The following GABRB3 variants were observed in gnomAD, a reference collection of about 807,000 sequenced individuals.
GABRB3 encodes the protein gamma-aminobutyric acid type A receptor subunit beta3, also known as gamma-aminobutyric acid receptor subunit beta-3.
In GABRB3, 14 loss-of-function variants were observed where a neutral mutation model predicts 52.1. The ratio of observed to expected loss-of-function variants is 0.27; its 90% CI spans 0.18 to 0.42. The LOEUF (loss-of-function observed/expected upper bound fraction) is 0.42. GABRB3 is among the 10% of genes least tolerant of loss of function. GABRB3 has a pLI of 1.00. For synonymous variants in GABRB3, 260 were observed against 232.3 expected, an observed-to-expected ratio of 1.12 and a Z score of -1.08; for missense variants, 307 against 609.1, an observed-to-expected ratio of 0.50 and a Z score of 5.22.
chr15:26,699,827 T>C (rs1381020934), intron 3 of GABRB3, among the ~76,000 whole-genome samples: 1 of 151,886 alleles, frequency 6.6e-6, no homozygotes, highest in African/African-American at 2.4e-5. Flanking sequence ...GGAAACATAA[T>C]ATTGTGGGCT....
At position 26,545,060 on chromosome 15, in the gene GABRB3, G is replaced by A. The variant is rs199676998; in HGVS notation, c.*2733C>T. On this transcript the variant is annotated 3_prime_UTR_variant, in exon 9 of 9. Transcript: ENST00000311550. ...AGTTCTCTTCTCAATGCTCTCACAA[G>A]TTTTAAAAATGGAGAAGCTATAAAA... is the stretch of plus-strand genomic sequence containing the variant. 1 of 152,676 alleles carries A rather than the reference G, an allele frequency of 6.5e-6. No individual in the cohort carries two copies. The highest frequency in any genetic ancestry group is 1.9e-4 in the East Asian group (1 of 5,190). 9.5% of individuals were successfully genotyped at this position (152,676 alleles called of 1,614,324 possible).
chr15:26,722,192 G>A (rs1889659325), intron 3 of GABRB3, among the ~76,000 whole-genome samples: 1 of 152,122 alleles, frequency 6.6e-6, no homozygotes, highest in Admixed American at 6.5e-5. Context: ...ACAACCCGGA[G>A]AGCTTCAGTT....
chr15:26,734,322 T>A (rs543092911), intron 3 of GABRB3, among the ~76,000 whole-genome samples: 141 of 151,442 alleles, frequency 9.3e-4, no homozygotes, highest in African/African-American at 3.3e-3. Context: ...TGAGCCACCA[T>A]ACCTGGACAA....
intron 4 of GABRB3, chr15:26,615,142 G>T: frequency 3.5e-6 from 1 of 286,080 alleles, no homozygotes; most frequent in Non-Finnish European, 5.2e-6. Flanking sequence ...TAGGAAAAGG[G>T]ATGATAACTC....
intron 3 of GABRB3, among the ~76,000 whole-genome samples, chr15:26,626,324 GAC>G (rs1295658892): frequency 6.6e-6 from 1 of 152,060 alleles, no homozygotes; most frequent in Non-Finnish European, 1.5e-5. Context: ...TATTCCCTGA[GAC>G]ACAACAATAT....
chr15:26,683,707 T>C (rs1324404166), intron 3 of GABRB3, among the ~76,000 whole-genome samples: 1 of 152,032 alleles, frequency 6.6e-6, no homozygotes, highest in African/African-American at 2.4e-5. Flanking sequence ...TTCCACCACA[T>C]GCTCCTAGGG....
chr15:26,757,707 G>A (rs1160915667), intron 3 of GABRB3, among the ~76,000 whole-genome samples: 1 of 152,188 alleles, frequency 6.6e-6, no homozygotes, highest in Non-Finnish European at 1.5e-5. Context: ...ATTATTCAGT[G>A]ACATTATGTA....
chr15:26,635,005 T>TAC (rs1566785563), intron 3 of GABRB3, among the ~76,000 whole-genome samples: 1 of 6,022 alleles, frequency 1.7e-4, no homozygotes, highest in Admixed American at 2.4e-3. Context: ...TATATATATA[T>TAC]ATATAATATA....
chr15:26,769,619 T>C (rs1264671203), intron 3 of GABRB3, among the ~76,000 whole-genome samples: 1 of 152,172 alleles, frequency 6.6e-6, no homozygotes, highest in Non-Finnish European at 1.5e-5. Context: ...ACTCTGCCAT[T>C]TTCTTTCCTA....
intron 3 of GABRB3, among the ~76,000 whole-genome samples, chr15:26,629,987 G>T (rs1283047625): frequency 6.6e-6 from 1 of 152,006 alleles, no homozygotes; most frequent in South Asian, 2.1e-4. Flanking sequence ...TACTTAGAAG[G>T]CTGTAGGTAA....
At chr15:26,594,545 G>T (rs1410466081) in intron 4 of GABRB3, among the ~76,000 whole-genome samples, 3 of 152,204 alleles carry the variant, frequency 2.0e-5, no homozygotes, top group Non-Finnish European at 4.4e-5. Flanking sequence ...TGCCTAGGCT[G>T]AGTGTAGTGG....
chr15:26,590,865 T>C (rs1566762524), intron 4 of GABRB3, among the ~76,000 whole-genome samples: 1 of 152,206 alleles, frequency 6.6e-6, no homozygotes. Flanking sequence ...GCCTCCTGAA[T>C]GTGCGCCAAC....
intron 3 of GABRB3, among the ~76,000 whole-genome samples, chr15:26,760,337 C>T (rs139706202): frequency 6.6e-6 from 1 of 152,190 alleles, no homozygotes; most frequent in Non-Finnish European, 1.5e-5. Context: ...CATTCCAGCA[C>T]CCTCATTAGA....
chr15:26,666,853 G>A (rs370899600), intron 3 of GABRB3, among the ~76,000 whole-genome samples: 2 of 152,262 alleles, frequency 1.3e-5, no homozygotes, highest in East Asian at 1.9e-4. Context: ...GTCGCTTCAC[G>A]GCCCAGGAAG....
intron 3 of GABRB3, among the ~76,000 whole-genome samples, chr15:26,662,623 G>A (rs1344644676): frequency 6.6e-6 from 1 of 152,174 alleles, no homozygotes; most frequent in African/African-American, 2.4e-5. Context: ...GAAAAAAGGT[G>A]CCCACAACCC....
intron 3 of GABRB3, among the ~76,000 whole-genome samples, chr15:26,745,066 G>C (rs1890302842): frequency 6.6e-6 from 1 of 152,122 alleles, no homozygotes; most frequent in Admixed American, 6.6e-5. Context: ...AGGAGCAAGA[G>C]AGTGATTGGC....
chr15:26,760,809 G>GCACACACACACA (rs10522762), intron 3 of GABRB3, among the ~76,000 whole-genome samples: 33,430 of 149,208 alleles, frequency 0.22, 4,450 homozygotes, highest in East Asian at 0.58. Flanking sequence ...ACACGCGCAC[G>GCACACACACACA]CACACACACA....
At chr15:26,713,988 G>A (rs1246091066) in intron 3 of GABRB3, among the ~76,000 whole-genome samples, 3 of 152,188 alleles carry the variant, frequency 2.0e-5, no homozygotes, top group African/African-American at 7.2e-5. Context: ...CGGGGCTGAG[G>A]TGACCACTCT....
At chr15:26,609,180 T>C (rs1328569519) in intron 4 of GABRB3, among the ~76,000 whole-genome samples, 2 of 151,530 alleles carry the variant, frequency 1.3e-5, no homozygotes, top group African/African-American at 4.9e-5. Context: ...ATTTTGTCAG[T>C]TGGGACAACA....
Sources: allele counts gnomAD v4.1 joint callset (sites outside exome capture counted in the v4.1 genomes callset), GRCh38; gene constraint gnomAD v4.1.1; transcripts MANE v1.5; gene names NCBI Gene and HGNC (gene_info 2026-07-23, HGNC 2026-07-21).